Variants in GPR155 observed in about 807,000 individuals in gnomAD.
The protein encoded by GPR155 is lysosomal cholesterol signaling protein.
GPR155 carries 65 observed loss-of-function variants against 93.1 expected under a neutral mutation model. The observed-to-expected ratio is 0.70, with a 90% CI of 0.57 to 0.86. GPR155 has a LOEUF of 0.86. Among genes scored for constraint, GPR155 ranks in the 40% least tolerant of loss-of-function variants. The probability of loss-of-function intolerance (pLI) is 0.00; values close to 1 mark genes in which losing one functional copy is unlikely to be tolerated. For synonymous variants in GPR155, 319 were observed against 360.1 expected (o/e 0.89, Z 1.29); for missense variants, 838 against 1,034.8 (o/e 0.81, Z 2.61).
Position 174,446,613 on chromosome 2 carries a change from C to T in GPR155, c.2011G>A (p.Ala671Thr), listed in dbSNP as rs768603525. Residue 671 changes from alanine (A) to threonine (T), a missense_variant and splice_region_variant, in exon 12 of 16, where the codon GCT becomes ACT. Ala to Thr is a moderately conservative substitution (Grantham distance 58). This residue lies in a region of GPR155 where 29 missense variants were observed against 67.1 expected (regional missense o/e 0.43). Transcript: ENST00000392552. ...LCLLLIIGLF[A>T]NLSSCLWWLF... ...ACAAAACCAGAAAAAACCATTACAG[C>T]GAACAGGCCAATGATGAGAAGTAAA... is the stretch of plus-strand genomic sequence containing the variant. The T allele has an allele frequency of 3.7e-5, 59 of 1,605,746 alleles. No individual in the cohort carries two copies. The highest frequency in any genetic ancestry group is 4.4e-5 in the Non-Finnish European group (52 of 1,177,274).
At chr2:174,449,953 A>G (rs1687268154) in intron 11 of GPR155, among the ~76,000 whole-genome samples, 1 of 151,922 alleles carries the variant, frequency 6.6e-6, no homozygotes, top group African/African-American at 2.4e-5. Flanking sequence ...TCCAGCCTGG[A>G]CGACAGAGCG....
At position 174,473,313 on chromosome 2, in the gene GPR155, A is replaced by T. The variant is rs1161342831; in HGVS notation, c.512T>A (p.Leu171Ter). The T allele has an allele frequency of 3.7e-6, 6 of 1,602,720 alleles. No individual in the cohort carries two copies. Among genetic ancestry groups the T allele is most frequent in the African/African-American group, 1.3e-5 (1 of 74,496 alleles). Residue 171 changes from leucine to a stop codon, truncating the protein, a stop_gained, in exon 3 of 16, where the codon TTG (leucine) becomes TAG (stop). Coordinates refer to ENST00000392552, the MANE Select transcript of GPR155 (RefSeq NM_152529.7). LOFTEE classifies it high-confidence loss of function. ...CATCATAAGAGATATTGGTGCCACC[A>T]AATAAATGTACTGGAGATATTCTGG... Reference protein sequence around the residue: ...TYPEYLQYIYLVAPISLMMLN... With the variant: ...TYPEYLQYIY
At chr2:174,467,262 G>A (rs961808474) in intron 5 of GPR155, among the ~76,000 whole-genome samples, 1 of 152,240 alleles carries the variant, frequency 6.6e-6, no homozygotes, top group African/African-American at 2.4e-5. Flanking sequence ...CACTTTGGGA[G>A]GCCCAGACAG....
At chr2:174,444,610 A>C (rs1438082857) in intron 13 of GPR155, among the ~76,000 whole-genome samples, 5 of 149,636 alleles carry the variant, frequency 3.3e-5, no homozygotes, top group East Asian at 2.0e-4. Flanking sequence ...CTTGTGCCTC[A>C]GCCTCTGCAG....
chr2:174,461,337 C>G (rs2105708664), intron 9 of GPR155, 65 bp downstream of exon 9: 1 of 920,664 alleles, frequency 1.1e-6, no homozygotes, highest in East Asian at 2.4e-5. Context: ...ATAAGTCTAG[C>G]AAGGCACATA....
At chr2:174,472,333 G>A (rs998770990) in intron 3 of GPR155, among the ~76,000 whole-genome samples, 1 of 152,160 alleles carries the variant, frequency 6.6e-6, no homozygotes, top group East Asian at 1.9e-4. Context: ...TTGAACCTAC[G>A]AGGTGGAGGT....
chr2:174,462,333 C>T (rs1687722245), intron 7 of GPR155, among the ~76,000 whole-genome samples: 1 of 150,678 alleles, frequency 6.6e-6, no homozygotes, highest in South Asian at 2.1e-4. Flanking sequence ...TTTCTTTAGA[C>T]AGAGTCTTAC....
intron 15 of GPR155, among the ~76,000 whole-genome samples, chr2:174,438,517 G>C (rs12995528): frequency 0.25 from 37,824 of 152,084 alleles, 5,643 homozygotes; most frequent in Middle Eastern, 0.47. Context: ...GTTTTTGTTT[G>C]TTTGTTTTTG....
chr2:174,470,460 A>G lies in GPR155; in HGVS notation c.956T>C (p.Leu319Pro), dbSNP rs370199242. The part of the protein sequence containing the change: ...NHTSLSNYAF[L>P]YGVFPVAPGV... Reference sequence around the variant, plus strand: ...TGGTGCTACAGGAAATACACCATACAGAAATGCATAATTTGATAAACTTGT... The same window carrying G: ...TGGTGCTACAGGAAATACACCATACGGAAATGCATAATTTGATAAACTTGT... The change falls in exon 4 of 16, where the codon CTG (leucine) becomes CCG (proline). Residue 319 changes from leucine to proline, a missense_variant. By Grantham distance (98) the Leu-to-Pro change is moderately conservative. Coordinates refer to ENST00000392552, the MANE Select transcript of GPR155 (RefSeq NM_152529.7). 97 of 1,613,778 alleles carry G rather than the reference A, an allele frequency of 6.0e-5. No homozygotes were observed. The highest frequency in any genetic ancestry group is 8.1e-5 in the Non-Finnish European group (96 of 1,179,812).
rs1211565381 is a variant in GPR155, at chr2:174,473,198, G to A, written c.627C>T (p.Leu209=). ...ASQNKIKIVG[L]GLLRVLQNPI... ...GGTTCTGTAATACACGCAGGAGTCC[G>A]AGTCCCACAATTTTTATTTTATTTT... Residue 209 remains leucine, a synonymous_variant, in exon 3 of 16, where the codon CTC becomes CTT. Coordinates refer to ENST00000392552, the MANE Select transcript of GPR155 (RefSeq NM_152529.7). 3.7e-6 allele frequency: 6 copies of A among 1,613,438 alleles called. No homozygotes were observed. The highest frequency in any genetic ancestry group is 1.7e-4 in the Middle Eastern group (1 of 6,060).
chr2:174,459,346 G>T (rs12052656), intron 10 of GPR155, among the ~76,000 whole-genome samples: 2 of 151,864 alleles, frequency 1.3e-5, no homozygotes, highest in South Asian at 4.1e-4. Flanking sequence ...TATATTCTCA[G>T]GTCCAGGGAA....
chr2:174,449,109 A>G (rs1282965520), intron 11 of GPR155, among the ~76,000 whole-genome samples: 1 of 152,210 alleles, frequency 6.6e-6, no homozygotes, highest in Non-Finnish European at 1.5e-5. Context: ...AAGAAGACAT[A>G]CAAGCGGCCA....
chr2:174,446,648 A>G lies in GPR155; in HGVS notation c.1976T>C (p.Val659Ala). The change falls in exon 12 of 16, where the codon GTG (valine) becomes GCG (alanine). Residue 659 changes from valine (V) to alanine (A), a missense_variant. By Grantham distance (64) the Val-to-Ala change is moderately conservative (BLOSUM62 0). Coordinates refer to ENST00000392552, the MANE Select transcript of GPR155 (RefSeq NM_152529.7). ...QSGDQQLTRHVLLCLLLIIGL... is the reference protein window; with the variant it reads ...QSGDQQLTRHALLCLLLIIGL... ...AATGATGAGAAGTAAACACAGCAAC[A>G]CATGTCGGGTCAGTTGCTGGTCTCC... 3 of 1,613,940 alleles carry G rather than the reference A, an allele frequency of 1.9e-6. No individual in the cohort carries two copies. The highest frequency in any genetic ancestry group is 2.5e-6 in the Non-Finnish European group (3 of 1,179,828).
At position 174,431,735 on chromosome 2, in the gene GPR155, A is replaced by C. The variant is rs1300472221; in HGVS notation, c.*4381T>G. 1 of 152,212 alleles carries C rather than the reference A, an allele frequency of 6.6e-6. No individual in the cohort carries two copies. Among genetic ancestry groups the C allele is most frequent in the South Asian group, 2.1e-4 (1 of 4,834 alleles). The allele number at this position is 152,212 out of a possible 1,614,324, so 9.4% of individuals were successfully genotyped here. ...GGCCTAAAGTAATTTAATATTTTACATGATGAGATATGAAGGGGCAAACAC... is the reference window on the plus strand; with the variant it reads ...GGCCTAAAGTAATTTAATATTTTACCTGATGAGATATGAAGGGGCAAACAC... On this transcript the variant is annotated 3_prime_UTR_variant, in exon 16 of 16. Coordinates refer to ENST00000392552, the MANE Select transcript of GPR155 (RefSeq NM_152529.7).
intron 11 of GPR155, among the ~76,000 whole-genome samples, chr2:174,450,345 A>T (rs6706402): frequency 6.6e-6 from 1 of 151,794 alleles, no homozygotes; most frequent in African/African-American, 2.4e-5. Flanking sequence ...GGGAGAGGGC[A>T]AGGGCTAAAA....
chr2:174,481,471 C>T (rs1274945219), intron 2 of GPR155, 26 bp downstream of exon 2: 1 of 1,338,728 alleles, frequency 7.5e-7, no homozygotes, highest in East Asian at 2.3e-5. Flanking sequence ...ATTTTTTAAA[C>T]ACTTGAAAAA....
chr2:174,456,800 A>G (rs1444881341), intron 10 of GPR155, among the ~76,000 whole-genome samples: 1 of 152,224 alleles, frequency 6.6e-6, no homozygotes, highest in Non-Finnish European at 1.5e-5. Context: ...ATTGAGTGCA[A>G]GAAGACAACT....
Position 174,461,409 on chromosome 2 carries a change from T to C in GPR155, c.1553A>G (p.Lys518Arg). 1 of 1,609,670 alleles carries C rather than the reference T, an allele frequency of 6.2e-7. No individual in the cohort carries two copies. The highest frequency in any genetic ancestry group is 1.1e-5 in the South Asian group (1 of 90,970). The change falls in exon 9 of 16, where the codon AAA becomes AGA. Residue 518 changes from lysine to arginine, a missense_variant. Coordinates refer to ENST00000392552, the MANE Select transcript of GPR155 (RefSeq NM_152529.7). ...CCAGTAAACTCTTCCCACCTGTTCT[T>C]TTCCATAAAAGAAGGCTGAGTCAAT... ...DSIDSAFFYGKEQMITTAVTL... is the reference protein window; with the variant it reads ...DSIDSAFFYGREQMITTAVTL...
At chr2:174,466,482 T>A (rs1201714153) in intron 6 of GPR155, 62 bp downstream of exon 6, 3 of 913,024 alleles carry the variant, frequency 3.3e-6, no homozygotes, top group African/African-American at 1.7e-5. Context: ...AGTTATTTTC[T>A]CCTCTACAGT....
Sources: allele counts gnomAD v4.1 joint callset (sites outside exome capture counted in the v4.1 genomes callset), GRCh38; gene constraint gnomAD v4.1.1; regional missense constraint gnomAD v4.1.1; transcripts MANE v1.5; gene names NCBI Gene and HGNC (gene_info 2026-07-23, HGNC 2026-07-21).